Variants in DPYSL5 observed in about 807,000 individuals in gnomAD.
DPYSL5 encodes dihydropyrimidinase like 5.
In DPYSL5, 9 loss-of-function variants were observed where a neutral mutation model predicts 58.4. The ratio of observed to expected loss-of-function variants is 0.15; its 90% CI spans 0.09 to 0.27. The LOEUF (loss-of-function observed/expected upper bound fraction) is 0.27. Ranked by LOEUF, DPYSL5 falls within the 10% of genes least tolerant of loss-of-function variation. The pLI is 1.00. For missense variants in DPYSL5, 499 were observed against 770.6 expected, an observed-to-expected ratio of 0.65 and a Z score of 4.17; for synonymous variants, 293 against 301.9, an observed-to-expected ratio of 0.97 and a Z score of 0.31.
intron 1 of DPYSL5, among the ~76,000 whole-genome samples, chr2:26,880,560 C>T (rs1253719903): frequency 6.6e-6 from 1 of 152,230 alleles, no homozygotes; most frequent in Non-Finnish European, 1.5e-5. Context: ...CTCATCCCAG[C>T]TTCCTCTCTC....
chr2:26,880,039 C>G (rs1375203474), intron 1 of DPYSL5, among the ~76,000 whole-genome samples: 1 of 151,996 alleles, frequency 6.6e-6, no homozygotes, highest in Non-Finnish European at 1.5e-5. Context: ...TACAGGCACG[C>G]ACCACCACAC....
intron 6 of DPYSL5, among the ~76,000 whole-genome samples, chr2:26,932,137 G>GAAAGAAAGAAAGAAAGAAAGAC (rs1409919249): frequency 1.8e-4 from 11 of 59,708 alleles, no homozygotes; most frequent in African/African-American, 8.0e-4. Context: ...AAGAAAGAAA[G>GAAAGAAAGAAAGAAAGAAAGAC]AGAAAGAAAG....
In DPYSL5 at chr2:26,946,863, A is replaced by G. The variant is rs544996917; in HGVS notation, c.1610-47A>G. ...CAGGAGAGGGTGTCTGTGGTTTGTT[A>G]GCAGGCACAAGAGCCCGTCTCACCC... On this transcript the variant is annotated intron_variant, in intron 12 of 12. Coordinates refer to ENST00000288699, the MANE Select transcript of DPYSL5 (RefSeq NM_020134.4). 1.8e-4 allele frequency: 275 copies of G among 1,509,642 alleles called. No individual in the cohort carries two copies. In the South Asian group the frequency reaches 2.9e-3, roughly 16 times the overall value. The allele number at this position is 1,509,642 out of a possible 1,614,324, so 93.5% of individuals were successfully genotyped here. A position where few individuals can be genotyped will look rare whatever the true frequency, so the allele number is the denominator to read the frequency against.
chr2:26,895,907 G>A (rs966883650), intron 1 of DPYSL5, among the ~76,000 whole-genome samples: 1 of 150,336 alleles, frequency 6.7e-6, no homozygotes, highest in African/African-American at 2.5e-5. Flanking sequence ...AGCCTCCCGA[G>A]TAGCTGGGAT....
intron 1 of DPYSL5, among the ~76,000 whole-genome samples, chr2:26,859,677 AC>A (rs1223108001): frequency 6.6e-6 from 1 of 152,184 alleles, no homozygotes; most frequent in African/African-American, 2.4e-5. Flanking sequence ...GGCAGATAGC[AC>A]CTGATGTTGG....
At chr2:26,865,154 T>C (rs1292661338) in intron 1 of DPYSL5, among the ~76,000 whole-genome samples, 1 of 152,228 alleles carries the variant, frequency 6.6e-6, no homozygotes, top group Non-Finnish European at 1.5e-5. Flanking sequence ...TCTGATTTTG[T>C]ATTAAAATAA....
intron 2 of DPYSL5, among the ~76,000 whole-genome samples, chr2:26,916,157 T>C (rs1432532237): frequency 1.3e-5 from 2 of 152,154 alleles, no homozygotes; most frequent in Non-Finnish European, 2.9e-5. Context: ...CACCTCCTCG[T>C]CTGTCATCAA....
chr2:26,893,161 A>T (rs1663930843), intron 1 of DPYSL5, among the ~76,000 whole-genome samples: 4 of 152,232 alleles, frequency 2.6e-5, no homozygotes, highest in Non-Finnish European at 4.4e-5. Context: ...GCACTCCCTC[A>T]GGCAGCAGCC....
chr2:26,944,925 C>T lies in DPYSL5; in HGVS notation c.1609+101C>T. The T allele has an allele frequency of 8.9e-7, 1 of 1,127,642 alleles. No homozygotes were observed. Among genetic ancestry groups the T allele is most frequent in the Non-Finnish European group, 1.3e-6 (1 of 789,160 alleles). The allele number at this position is 1,127,642 out of a possible 1,614,324, so 69.9% of individuals were successfully genotyped here. A position where few individuals can be genotyped will look rare whatever the true frequency, so the allele number is the denominator to read the frequency against. On this transcript the variant is annotated intron_variant, in intron 12 of 12. Coordinates refer to ENST00000288699, the MANE Select transcript of DPYSL5 (RefSeq NM_020134.4). The surrounding 1 kb of genome is among the most constrained non-coding windows in gnomAD (Gnocchi z 4.4). ...TGCTTTTCTTTTGTGTCCTCTCCTC[C>T]CTCCCGTTGCCTATTTCCAGGGATG...
At chr2:26,859,594 A>G (rs1665961615) in intron 1 of DPYSL5, among the ~76,000 whole-genome samples, 1 of 152,214 alleles carries the variant, frequency 6.6e-6, no homozygotes, top group African/African-American at 2.4e-5. Context: ...TAACAGGAAT[A>G]ATTTGGAGGA....
chr2:26,928,704 T>TATATATATATATACACACACAC, intron 5 of DPYSL5, among the ~76,000 whole-genome samples: 3 of 62,990 alleles, frequency 4.8e-5, no homozygotes, highest in Non-Finnish European at 6.6e-5. Flanking sequence ...TATATATATA[T>TATATATATATATACACACACAC]ACACACACAC....
intron 2 of DPYSL5, among the ~76,000 whole-genome samples, chr2:26,914,025 T>TCCC (rs1374018282): frequency 2.6e-5 from 4 of 151,402 alleles, no homozygotes; most frequent in Admixed American, 2.6e-4. Flanking sequence ...AAGTACACCC[T>TCCC]CTGGGAGACC....
At chr2:26,854,328 A>G (rs1393080320) in intron 1 of DPYSL5, among the ~76,000 whole-genome samples, 1 of 152,144 alleles carries the variant, frequency 6.6e-6, no homozygotes, top group African/African-American at 2.4e-5. Flanking sequence ...GCATGGTGGC[A>G]TATACCTGTA....
intron 1 of DPYSL5, among the ~76,000 whole-genome samples, chr2:26,895,128 G>A (rs1444791322): frequency 6.6e-6 from 1 of 152,172 alleles, no homozygotes; most frequent in Non-Finnish European, 1.5e-5. Context: ...ATGCAGTCTT[G>A]ATTACTATAG....
chr2:26,910,616 C>CTTTTTTTTTT (rs34929540), intron 2 of DPYSL5, among the ~76,000 whole-genome samples: 3 of 118,494 alleles, frequency 2.5e-5, no homozygotes, highest in Non-Finnish European at 3.4e-5. Context: ...TCTTCTTCTT[C>CTTTTTTTTTT]TTTTTTTTTT....
chr2:26,945,001 G>A (rs1348715694), intron 12 of DPYSL5, among the ~76,000 whole-genome samples, 177 bp downstream of exon 12: 1 of 152,122 alleles, frequency 6.6e-6, no homozygotes, highest in Non-Finnish European at 1.5e-5. Context: ...GGACAGGAGG[G>A]CTGTCCTGGT....
At position 26,849,438 on chromosome 2, in the gene DPYSL5, T is replaced by C. The variant is rs971780788; in HGVS notation, c.-5+1184T>C. Among the ~76,000 whole-genome samples, 15 of 151,702 alleles carry C rather than the reference T, an allele frequency of 9.9e-5. No homozygotes were observed. The highest frequency in any genetic ancestry group is 3.1e-4 in the African/African-American group (13 of 41,288). The stretch of plus-strand genomic sequence containing the variant: ...CGCGGCCCAGGTGGCCGGCTGGGCG[T>C]GGCCCTCGGACCGGGGTTAGGGACC... On this transcript the variant is annotated intron_variant, in intron 1 of 12. Transcript: ENST00000288699. The surrounding 1 kb of genome is among the most constrained non-coding windows in gnomAD (Gnocchi z 6.2).
rs1558357075 is a variant in DPYSL5 at position 26,942,745 on chromosome 2, G to A, written c.1435G>A (p.Glu479Lys). Residue 479 changes from glutamate to lysine, a missense_variant, in exon 11 of 13, where the codon GAG becomes AAG. By Grantham distance (56) the Glu-to-Lys change is moderately conservative. Transcript: ENST00000288699. The surrounding 1 kb of genome is among the most constrained non-coding windows in gnomAD (Gnocchi z 5.9). ...TGTCTACAAGAAGCTGGTCCAGAGA[G>A]AGAAGGTGAGGTGGGAGGAGGAAGA... ...DTVYKKLVQREKTLKVRGVDR... is the reference protein window; with the variant it reads ...DTVYKKLVQRKKTLKVRGVDR... The A allele has an allele frequency of 1.2e-6, 2 of 1,613,552 alleles. No homozygotes were observed. The highest frequency in any genetic ancestry group is 1.7e-6 in the Non-Finnish European group (2 of 1,179,606).
chr2:26,891,072 G>C (rs1663868858), intron 1 of DPYSL5, among the ~76,000 whole-genome samples: 1 of 152,170 alleles, frequency 6.6e-6, no homozygotes, highest in Non-Finnish European at 1.5e-5. Context: ...CGAACTGTCT[G>C]GCTTTCAATC....
Sources: allele counts gnomAD v4.1 joint callset (sites outside exome capture counted in the v4.1 genomes callset), GRCh38; gene constraint gnomAD v4.1.1; non-coding constraint Gnocchi (gnomAD v3.1); transcripts MANE v1.5; gene names NCBI Gene and HGNC (gene_info 2026-07-23, HGNC 2026-07-21).